The following FRY variants were observed in gnomAD, a reference collection of about 807,000 sequenced individuals.
FRY encodes the protein FRY microtubule binding protein.
Under a neutral mutation model 348.4 loss-of-function variants are expected in FRY, and 128 were observed. The ratio of observed to expected loss-of-function variants is 0.37; its 90% CI spans 0.32 to 0.43. The LOEUF is 0.43. FRY is among the 20% of genes least tolerant of loss of function. The pLI, the probability that FRY is intolerant of heterozygous loss-of-function variation, is 1.00. For missense variants in FRY, 2,736 were observed against 3,695.2 expected, an observed-to-expected ratio of 0.74 and a Z score of 6.73; for synonymous variants, 1,370 against 1,374.7, an observed-to-expected ratio of 1.00 and a Z score of 0.08.
intron 1 of FRY, among the ~76,000 whole-genome samples, chr13:32,042,651 C>T (rs1872805087): frequency 1.3e-5 from 2 of 152,264 alleles, no homozygotes; most frequent in Middle Eastern, 3.4e-3. Context: ...ATCTTTGCTT[C>T]ACTTAAGTCA....
chr13:32,239,830 T>A lies in FRY; in HGVS notation c.6636T>A (p.Leu2212=). The change falls in exon 46 of 61, where the codon CTT becomes CTA. Residue 2212 remains leucine, a synonymous_variant. Transcript: ENST00000542859. The surrounding 1 kb of genome is among the most constrained non-coding windows in gnomAD (Gnocchi z 4.3). ...ATWVNVVCRY[L]HEAYADITLN... ...GGGTCAATGTGGTCTGTCGATACCT[T>A]CATGAAGCATATGCTGACATTACCT... The A allele has an allele frequency of 1.9e-6, 3 of 1,614,160 alleles. No individual in the cohort carries two copies. Among genetic ancestry groups the A allele is most frequent in the Non-Finnish European group, 2.5e-6 (3 of 1,179,998 alleles).
intron 28 of FRY, among the ~76,000 whole-genome samples, chr13:32,188,426 T>C (rs1175585108): frequency 6.6e-6 from 1 of 152,108 alleles, no homozygotes; most frequent in African/African-American, 2.4e-5. Context: ...TGCCTAATGA[T>C]TCCCCATCAA....
chr13:32,213,716 C>A (rs559587998), intron 35 of FRY, among the ~76,000 whole-genome samples: 1 of 152,260 alleles, frequency 6.6e-6, no homozygotes, highest in African/African-American at 2.4e-5. Flanking sequence ...GTCTGAGTTT[C>A]CTGTCTGAAT....
At position 32,091,902 on chromosome 13, in the gene FRY, G is replaced by C. The variant is rs151242738; in HGVS notation, c.271-10061G>C. On this transcript the variant is annotated intron_variant, in intron 2 of 60. Coordinates refer to ENST00000542859, the MANE Select transcript of FRY (RefSeq NM_023037.3). ...CTAGGATTCAAACTCAGGTCTCTCA[G>C]ATTTCAAAGCCCACACCCTTAACTG... Among the ~76,000 whole-genome samples, 77 of 152,286 alleles carry C rather than the reference G, an allele frequency of 5.1e-4. 1 individual carries two copies. The East Asian group carries it at 0.013, about 25-fold the overall frequency.
chr13:32,187,162 G>A (rs933339405), intron 27 of FRY, among the ~76,000 whole-genome samples: 5 of 151,764 alleles, frequency 3.3e-5, no homozygotes, highest in Admixed American at 6.6e-5. Flanking sequence ...AATATTTGTC[G>A]TAAAAGCAAA....
chr13:32,060,772 A>G, intron 1 of FRY: 1 of 213,382 alleles, frequency 4.7e-6, no homozygotes, highest in Non-Finnish European at 9.6e-6. Context: ...CTAATCTGTC[A>G]GTATAGTATG....
Position 32,149,849 on chromosome 13 carries a change from T to A in FRY, c.1479+15T>A. 1 of 1,474,982 alleles carries A rather than the reference T, an allele frequency of 6.8e-7. No individual in the cohort carries two copies. The highest frequency in any genetic ancestry group is 1.1e-5 in the South Asian group (1 of 88,202). 91.4% of individuals were successfully genotyped at this position (1,474,982 alleles called of 1,614,324 possible). Reference sequence around the variant, plus strand: ...TCAACCCAGAGGTATGAATGATCCTTTTATGTACTTCTAACAGAGCATGTC... The same window carrying A: ...TCAACCCAGAGGTATGAATGATCCTATTATGTACTTCTAACAGAGCATGTC... On this transcript the variant is annotated intron_variant, in intron 14 of 60. Coordinates refer to ENST00000542859, the MANE Select transcript of FRY (RefSeq NM_023037.3).
At chr13:32,251,798 G>T in intron 49 of FRY, 80 bp from the exon 50 acceptor site, 1 of 851,042 alleles carries the variant, frequency 1.2e-6, no homozygotes, top group South Asian at 1.3e-5. Flanking sequence ...CTATTGCCCT[G>T]TATGGCTAGT....
At chr13:32,207,406 C>T (rs1884419092) in intron 31 of FRY, among the ~76,000 whole-genome samples, 1 of 152,152 alleles carries the variant, frequency 6.6e-6, no homozygotes, top group Admixed American at 6.6e-5. Context: ...GTCACTGTTT[C>T]CCTTGCCCCA....
At chr13:32,222,266 AG>A (rs1463600291) in intron 36 of FRY, among the ~76,000 whole-genome samples, 2 of 152,128 alleles carry the variant, frequency 1.3e-5, no homozygotes, top group African/African-American at 4.8e-5. Context: ...GGGGTGAGCA[AG>A]GGTGCGCTGG....
chr13:32,298,640 G>C lies in FRY; in HGVS notation c.*3180G>C, dbSNP rs918570843. The C allele has an allele frequency of 7.9e-5, 12 of 152,230 alleles. No homozygotes were observed. Among genetic ancestry groups the C allele is most frequent in the Admixed American group, 7.9e-4 (12 of 15,282 alleles). 9.4% of individuals were successfully genotyped at this position (152,230 alleles called of 1,614,324 possible). ...ACGGATACAGTGAGTAATGTGGACA[G>C]GGCTATCTTAGCTATCACTCTAATA... is the stretch of plus-strand genomic sequence containing the variant. On this transcript the variant is annotated 3_prime_UTR_variant, in exon 61 of 61. Transcript: ENST00000542859.
intron 1 of FRY, among the ~76,000 whole-genome samples, chr13:32,070,009 C>T (rs1311586260): frequency 2.6e-5 from 4 of 152,210 alleles, no homozygotes; most frequent in Non-Finnish European, 4.4e-5. Flanking sequence ...TGATGGTTTC[C>T]ACCGTCATCC....
At chr13:32,059,998 T>A (rs1279191902) in intron 1 of FRY, among the ~76,000 whole-genome samples, 1 of 152,230 alleles carries the variant, frequency 6.6e-6, no homozygotes, top group Non-Finnish European at 1.5e-5. Flanking sequence ...AACTGGACAT[T>A]TTCTTTCTTC....
chr13:32,104,635 G>A (rs1220765064), intron 3 of FRY, among the ~76,000 whole-genome samples: 1 of 152,156 alleles, frequency 6.6e-6, no homozygotes, highest in Non-Finnish European at 1.5e-5. Flanking sequence ...GTTTTAAAGT[G>A]ATAGCAAGAC....
At chr13:32,278,659 C>T (rs1037034289) in intron 58 of FRY, 111 bp downstream of exon 58, 8 of 768,908 alleles carry the variant, frequency 1.0e-5, no homozygotes, top group Non-Finnish European at 1.9e-5. Context: ...AATGAGTCAC[C>T]CCAAACATTT....
intron 2 of FRY, among the ~76,000 whole-genome samples, chr13:32,098,648 AC>A (rs968420469): frequency 6.6e-6 from 1 of 151,984 alleles, no homozygotes; most frequent in Admixed American, 6.5e-5. Context: ...AGTAGAGACA[AC>A]ACTCATAAGA....
chr13:32,175,830 A>G lies in FRY; in HGVS notation c.2421+198A>G, dbSNP rs112643135. Among the ~76,000 whole-genome samples the G allele has an allele frequency of 4.2e-3, 635 of 152,314 alleles. 8 individuals are homozygous for G. Among genetic ancestry groups the G allele is most frequent in the African/African-American group, 0.014 (600 of 41,574 alleles). ...CAGATAAATTTCACACAAAATCTGG[A>G]TCTTAGGAATATAGATAATATTTTT... is the stretch of plus-strand genomic sequence containing the variant. On this transcript the variant is annotated intron_variant, in intron 20 of 60. Transcript: ENST00000542859.
intron 1 of FRY, among the ~76,000 whole-genome samples, chr13:32,045,820 C>T (rs1872989228): frequency 6.6e-6 from 1 of 152,172 alleles, no homozygotes; most frequent in African/African-American, 2.4e-5. Flanking sequence ...ACATCTGCTA[C>T]TCTATATTTT....
At chr13:32,045,558 C>A (rs1055265526) in intron 1 of FRY, among the ~76,000 whole-genome samples, 1 of 152,190 alleles carries the variant, frequency 6.6e-6, no homozygotes, top group African/African-American at 2.4e-5. Context: ...TGCAAGCACA[C>A]TGAATAATTA....
Sources: gnomAD v4.1 joint callset for allele counts (sites outside exome capture counted in the v4.1 genomes callset) on GRCh38, gnomAD v4.1.1 for gene constraint, Gnocchi (gnomAD v3.1) non-coding constraint, MANE v1.5 for transcripts, NCBI Gene and HGNC (gene_info 2026-07-23, HGNC 2026-07-21) for gene names.